Variants in ATCAY observed in about 807,000 individuals in gnomAD.
The protein encoded by ATCAY is ATCAY kinesin light chain interacting caytaxin, also known as caytaxin.
In ATCAY, 22 loss-of-function variants were observed where a neutral mutation model predicts 47.7. The ratio of observed to expected loss-of-function variants is 0.46; its 90% CI spans 0.33 to 0.66. ATCAY has a LOEUF of 0.66. Ranked by LOEUF, ATCAY falls within the 30% of genes least tolerant of loss-of-function variation. ATCAY has a pLI of 0.02. For missense variants in ATCAY, 452 were observed against 515.0 expected (o/e 0.88, Z 1.18); for synonymous variants, 216 against 207.6 (o/e 1.04, Z -0.35).
intron 2 of ATCAY, among the ~76,000 whole-genome samples, chr19:3,901,820 C>A (rs970912741): frequency 6.6e-6 from 1 of 151,990 alleles, no homozygotes; most frequent in Non-Finnish European, 1.5e-5. Flanking sequence ...TATGGTGAAA[C>A]CCCGTCTCTA....
chr19:3,890,247 A>ATTTTTTTTTT (rs764697276), intron 2 of ATCAY, among the ~76,000 whole-genome samples: 1 of 38,570 alleles, frequency 2.6e-5, no homozygotes, highest in African/African-American at 1.3e-4. Flanking sequence ...TCCACCTATA[A>ATTTTTTTTTT]TTTTTTTTTT....
intron 11 of ATCAY, among the ~76,000 whole-genome samples, chr19:3,919,238 A>G (rs2038994897): frequency 6.6e-6 from 1 of 151,876 alleles, no homozygotes; most frequent in Non-Finnish European, 1.5e-5. Context: ...AGATAGTACC[A>G]CTGCACTCGG....
At chr19:3,910,765 C>T in intron 7 of ATCAY, 38 bp from the exon 8 acceptor site, 1 of 1,609,124 alleles carries the variant, frequency 6.2e-7, no homozygotes, top group East Asian at 2.2e-5. Flanking sequence ...AGGGCTCGCC[C>T]CAGGAGCCCA....
At chr19:3,905,788 G>A (rs2038855042) in intron 4 of ATCAY, 133 bp downstream of exon 4, 4 of 752,750 alleles carry the variant, frequency 5.3e-6, no homozygotes, top group Non-Finnish European at 8.5e-6. Flanking sequence ...TTAAACCCAG[G>A]AGATCAAGAC....
chr19:3,905,172 G>T (rs530069217), intron 3 of ATCAY, among the ~76,000 whole-genome samples: 8 of 152,222 alleles, frequency 5.3e-5, no homozygotes, highest in African/African-American at 1.9e-4. Flanking sequence ...GTCAGGCTTT[G>T]AACTCATGTC....
chr19:3,885,614 A>C (rs1182992883), intron 1 of ATCAY, 113 bp from the exon 2 acceptor site: 2 of 491,734 alleles, frequency 4.1e-6, no homozygotes, highest in East Asian at 3.3e-5. Context: ...GGGGGAGGGG[A>C]AGGGGGAGGG....
rs371914915 is a variant in ATCAY at position 3,907,736 on chromosome 19, G to A, written c.361G>A (p.Asp121Asn). The A allele has an allele frequency of 3.5e-5, 57 of 1,613,794 alleles. No homozygotes were observed. Among genetic ancestry groups the A allele is most frequent in the Admixed American group, 1.3e-4 (8 of 59,970 alleles). ...GNGNELEWED[D>N]TPVATAKNMP... ...GACTCTCCGCCACCTGCTTCTAGACGACACCCCCGTGGCCACCGCCAAGAA... is the reference window on the plus strand; with the variant it reads ...GACTCTCCGCCACCTGCTTCTAGACAACACCCCCGTGGCCACCGCCAAGAA... The change falls in exon 5 of 13, where the codon GAC becomes AAC. Residue 121 changes from aspartate (D) to asparagine (N), a missense_variant and splice_region_variant. Transcript: ENST00000450849. The surrounding 1 kb of genome is among the most constrained non-coding windows in gnomAD (Gnocchi z 5.1).
At chr19:3,900,086 A>G (rs1237469974) in intron 2 of ATCAY, among the ~76,000 whole-genome samples, 1 of 152,138 alleles carries the variant, frequency 6.6e-6, no homozygotes, top group Non-Finnish European at 1.5e-5. Flanking sequence ...ATTGATAATC[A>G]ACATTGATCA....
rs375699107 is a variant in ATCAY, at chr19:3,907,839, G to A, written c.464G>A (p.Arg155Gln). ...DGSAANGRLW[R>Q]TVIIGEQEHR... ...AGCGCCGCCAACGGGCGCCTGTGGC[G>A]GACAGTGATCATCGGGGAGCAAGAG... The change falls in exon 5 of 13, where the codon CGG becomes CAG. Residue 155 changes from arginine (R) to glutamine (Q), a missense_variant. Transcript: ENST00000450849. This position sits in a 1 kb window ranked among gnomAD's most constrained non-coding sequence, Gnocchi z 5.1. 2.8e-5 allele frequency: 45 copies of A among 1,613,846 alleles called. No individual in the cohort carries two copies. Among genetic ancestry groups the A allele is most frequent in the Admixed American group, 5.0e-5 (3 of 59,998 alleles).
intron 1 of ATCAY, among the ~76,000 whole-genome samples, chr19:3,881,559 TG>T (rs2038599709): frequency 1.3e-5 from 2 of 152,036 alleles, no homozygotes; most frequent in Admixed American, 6.6e-5. Context: ...CGTTCCTTGA[TG>T]TCACTGTCTT....
chr19:3,915,476 C>T (rs1243400343), intron 9 of ATCAY, among the ~76,000 whole-genome samples: 3 of 151,728 alleles, frequency 2.0e-5, no homozygotes, highest in Non-Finnish European at 4.4e-5. Context: ...TGAGCCACTG[C>T]GCCCGGCCTA....
chr19:3,904,124 G>T (rs1336596163), intron 3 of ATCAY, among the ~76,000 whole-genome samples: 2 of 152,094 alleles, frequency 1.3e-5, no homozygotes, highest in South Asian at 4.1e-4. Flanking sequence ...TTGCACTCCA[G>T]CCTGGGTGAC....
At position 3,885,625 on chromosome 19, in the gene ATCAY, G is replaced by A. The variant is rs1279338731; in HGVS notation, c.-41-102G>A. 3.0e-5 allele frequency: 18 copies of A among 608,426 alleles called. No homozygotes were observed. The East Asian group carries it at 4.6e-4, about 16-fold the overall frequency. The allele number at this position is 608,426 out of a possible 1,614,324, so 37.7% of individuals were successfully genotyped here. ...GAGAGGGGGAGGGGAAGGGGGAGGGGGAGACGGAGGGGGAGTGGGAGGGGG... is the reference window on the plus strand; with the variant it reads ...GAGAGGGGGAGGGGAAGGGGGAGGGAGAGACGGAGGGGGAGTGGGAGGGGG... On this transcript the variant is annotated intron_variant, in intron 1 of 12. Transcript: ENST00000450849.
chr19:3,921,511 G>A (rs143845280), intron 12 of ATCAY, among the ~76,000 whole-genome samples: 48 of 152,272 alleles, frequency 3.2e-4, no homozygotes, highest in African/African-American at 1.1e-3. Flanking sequence ...ACAATGGTTT[G>A]CCAGAAGGAC....
At chr19:3,898,701 G>A (rs1281831827) in intron 2 of ATCAY, among the ~76,000 whole-genome samples, 4 of 152,060 alleles carry the variant, frequency 2.6e-5, no homozygotes, top group Non-Finnish European at 5.9e-5. Flanking sequence ...GTTTGTTTTT[G>A]AGACAGAGTC....
intron 12 of ATCAY, among the ~76,000 whole-genome samples, chr19:3,922,993 C>A (rs1568454789): frequency 6.6e-6 from 1 of 152,142 alleles, no homozygotes; most frequent in Non-Finnish European, 1.5e-5. Context: ...GATCCACCCG[C>A]TTCGGCCTCC....
intron 6 of ATCAY, among the ~76,000 whole-genome samples, chr19:3,909,003 CAAAAA>C (rs71166937): frequency 8.0e-5 from 1 of 12,478 alleles, no homozygotes; most frequent in Non-Finnish European, 1.1e-4. Context: ...GAACCTGTCT[CAAAAA>C]AAAAAAAAAA....
intron 10 of ATCAY, among the ~76,000 whole-genome samples, chr19:3,918,588 T>C (rs557660919): frequency 4.8e-4 from 72 of 151,558 alleles, no homozygotes; most frequent in Middle Eastern, 3.5e-3. Context: ...GCCTTTATCA[T>C]GCCAGGTCCA....
chr19:3,908,148 T>C, intron 5 of ATCAY, 120 bp from the exon 6 acceptor site: 2 of 1,056,244 alleles, frequency 1.9e-6, no homozygotes. Context: ...CGCCGGCTGC[T>C]GTGGCTCGGA....
Sources: gnomAD v4.1 joint callset for allele counts (sites outside exome capture counted in the v4.1 genomes callset) on GRCh38, gnomAD v4.1.1 for gene constraint, Gnocchi (gnomAD v3.1) non-coding constraint, MANE v1.5 for transcripts, NCBI Gene and HGNC (gene_info 2026-07-23, HGNC 2026-07-21) for gene names.